The following KIAA0408 variants were observed in gnomAD, a reference collection of about 807,000 sequenced individuals.
KIAA0408 encodes KIAA0408, also known as uncharacterized protein KIAA0408.
KIAA0408 carries 51 observed loss-of-function variants against 60.9 expected under a neutral mutation model. That is an observed-to-expected ratio of 0.84 (90% CI 0.67 to 1.06). KIAA0408 has a LOEUF of 1.06. Among genes scored for constraint, KIAA0408 ranks in the 50% least tolerant of loss-of-function variants. The probability of loss-of-function intolerance (pLI) is 0.00; values close to 1 mark genes in which losing one functional copy is unlikely to be tolerated. For synonymous variants in KIAA0408, 304 were observed against 282.4 expected, an observed-to-expected ratio of 1.08 and a Z score of -0.77; for missense variants, 787 against 833.9, an observed-to-expected ratio of 0.94 and a Z score of 0.69.
chr6:127,454,959 G>A (rs1457795359), intron 1 of KIAA0408, among the ~76,000 whole-genome samples: 2 of 152,050 alleles, frequency 1.3e-5, no homozygotes, highest in African/African-American at 2.4e-5. Flanking sequence ...CTATGTAACT[G>A]GTATAAGTCT....
chr6:127,447,823 G>C, intron 4 of KIAA0408, 83 bp from the exon 5 acceptor site: 1 of 1,434,260 alleles, frequency 7.0e-7, no homozygotes, highest in Non-Finnish European at 9.2e-7. Flanking sequence ...AAAGCAATGA[G>C]TTTCTGCTAT....
intron 1 of KIAA0408, among the ~76,000 whole-genome samples, chr6:127,454,795 A>C (rs2114804927): frequency 6.6e-6 from 1 of 152,260 alleles, no homozygotes; most frequent in East Asian, 1.9e-4. Flanking sequence ...ATATACCATA[A>C]ACTGCTTAGG....
At position 127,446,686 on chromosome 6, in the gene KIAA0408, T is replaced by C; in HGVS notation, c.1633A>G (p.Ser545Gly). The change falls in exon 5 of 6, where the codon AGT becomes GGT. Residue 545 changes from serine (S) to glycine (G), a missense_variant. Ser to Gly is a moderately conservative substitution (Grantham distance 56). This residue lies in a region of KIAA0408 where 640 missense variants were observed against 681.3 expected (regional missense o/e 0.94). Coordinates refer to ENST00000483725, the MANE Select transcript of KIAA0408 (RefSeq NM_014702.5). ...GACCTCGGACGGCCAGACAAATTAC[T>C]CGGTCTCCAGTCATGCTCGTGGAGC... Reference protein sequence around the residue: ...NMLHEHDWRPSNLSGRPRSAD... With the variant: ...NMLHEHDWRPGNLSGRPRSAD... 1 of 1,614,024 alleles carries C rather than the reference T, an allele frequency of 6.2e-7. No individual in the cohort carries two copies. Among genetic ancestry groups the C allele is most frequent in the Non-Finnish European group, 8.5e-7 (1 of 1,180,012 alleles).
At chr6:127,446,240 C>G (rs933926793) in intron 5 of KIAA0408, among the ~76,000 whole-genome samples, 168 bp downstream of exon 5, 1 of 152,260 alleles carries the variant, frequency 6.6e-6, no homozygotes, top group Middle Eastern at 3.4e-3. Context: ...AAAAACTACA[C>G]CTTCAAGGTT....
intron 1 of KIAA0408, 158 bp from the exon 2 acceptor site, chr6:127,454,259 A>G (rs1773352194): frequency 3.3e-6 from 2 of 614,530 alleles, no homozygotes; most frequent in Admixed American, 1.1e-4. Flanking sequence ...AAACTAACAC[A>G]GTCAATAAAG....
At chr6:127,457,329 C>T (rs1260958396) in intron 1 of KIAA0408, among the ~76,000 whole-genome samples, 1 of 152,118 alleles carries the variant, frequency 6.6e-6, no homozygotes, top group African/African-American at 2.4e-5. Flanking sequence ...AATTTAAGTG[C>T]TCTCTACTGG....
In KIAA0408 at chr6:127,450,030, G is replaced by A. The variant is rs767309262; in HGVS notation, c.458C>T (p.Ser153Phe). 2.5e-6 allele frequency: 4 copies of A among 1,613,992 alleles called. No homozygotes were observed. Among genetic ancestry groups the A allele is most frequent in the Non-Finnish European group, 3.4e-6 (4 of 1,179,960 alleles). ...ECEAWPDLRT[S>F]EEDSKSCSGA... ...AGAACAGCTCTTGCTGTCTTCCTCAGAAGTCCTCAGGTCAGGCCAGGCCTC... is the reference window on the plus strand; with the variant it reads ...AGAACAGCTCTTGCTGTCTTCCTCAAAAGTCCTCAGGTCAGGCCAGGCCTC... The change falls in exon 3 of 6, where the codon TCT (serine) becomes TTT (phenylalanine). Residue 153 changes from serine to phenylalanine, a missense_variant. By Grantham distance (155) the Ser-to-Phe change is radical. Coordinates refer to ENST00000483725, the MANE Select transcript of KIAA0408 (RefSeq NM_014702.5).
Position 127,446,632 on chromosome 6 carries a change from C to T in KIAA0408, c.1687G>A (p.Val563Met). 6.2e-7 allele frequency: 1 copy of T among 1,614,132 alleles called. No homozygotes were observed. Among genetic ancestry groups the T allele is most frequent in the Non-Finnish European group, 8.5e-7 (1 of 1,180,018 alleles). ...SADPRSNYGV[V>M]EKLLKTYETA... ...TCATAGGTTTTCAGCAGCTTTTCCA[C>T]AACACCATAATTTGACCTGGGATCA... The change falls in exon 5 of 6, where the codon GTG becomes ATG. Residue 563 changes from valine to methionine, a missense_variant. Val to Met is a conservative substitution (Grantham distance 21). Coordinates refer to ENST00000483725, the MANE Select transcript of KIAA0408 (RefSeq NM_014702.5).
Position 127,447,191 on chromosome 6 carries a change from C to A in KIAA0408, c.1128G>T (p.Ser376=). 4 of 1,611,974 alleles carry A rather than the reference C, an allele frequency of 2.5e-6. No individual in the cohort carries two copies. The highest frequency in any genetic ancestry group is 3.4e-6 in the Non-Finnish European group (4 of 1,179,224). Residue 376 remains serine (S), a synonymous_variant, in exon 5 of 6, where the codon TCG becomes TCT. Coordinates refer to ENST00000483725, the MANE Select transcript of KIAA0408 (RefSeq NM_014702.5). Reference sequence around the variant, plus strand: ...GGGTAGAGCAGGTTTTCTGAAACCACGAAGTAGAGGGGCTCCTTTTTGCAC... The same window carrying A: ...GGGTAGAGCAGGTTTTCTGAAACCAAGAAGTAGAGGGGCTCCTTTTTGCAC... ...GIGAKRSPST[S]WFQKTCSTPS...
intron 2 of KIAA0408, among the ~76,000 whole-genome samples, chr6:127,453,372 A>C (rs1773335295): frequency 6.6e-6 from 1 of 151,972 alleles, no homozygotes; most frequent in Non-Finnish European, 1.5e-5. Flanking sequence ...TTTCTGTTTG[A>C]TATATGATAC....
At position 127,444,327 on chromosome 6, in the gene KIAA0408, C is replaced by A. The variant is rs537564759; in HGVS notation, c.1912-45G>T. The A allele has an allele frequency of 2.0e-5, 30 of 1,470,140 alleles. No individual in the cohort carries two copies. The East Asian group carries it at 6.1e-4, about 30-fold the overall frequency. The allele number at this position is 1,470,140 out of a possible 1,614,324, so 91.1% of individuals were successfully genotyped here. ...ATTCCTCTCACTCTCTGGGTACCAACAATAGGCTTAATATATGATGGGTCT... is the reference window on the plus strand; with the variant it reads ...ATTCCTCTCACTCTCTGGGTACCAAAAATAGGCTTAATATATGATGGGTCT... On this transcript the variant is annotated intron_variant, in intron 5 of 5. Coordinates refer to ENST00000483725, the MANE Select transcript of KIAA0408 (RefSeq NM_014702.5).
At position 127,449,452 on chromosome 6, in the gene KIAA0408, C is replaced by A. The variant is rs550853735; in HGVS notation, c.578+370G>T. ...ATTATTTGAGGTCAGGAGTTCGAGA[C>A]CATGCTGGCCAACATGGTGAAATCC... On this transcript the variant is annotated intron_variant, in intron 4 of 5. Transcript: ENST00000483725. Among the ~76,000 whole-genome samples the A allele has an allele frequency of 2.1e-3, 321 of 152,136 alleles. 2 individuals carry two copies. Among genetic ancestry groups the A allele is most frequent in the African/African-American group, 7.0e-3 (289 of 41,486 alleles).
rs910322506 is a variant in KIAA0408, at chr6:127,442,923, A to G, written c.*1186T>C. ...TAGATTTTATGTGTTCACTGTATGC[A>G]AACTGTAGCCAAAATACACATTTCT... On this transcript the variant is annotated 3_prime_UTR_variant, in exon 6 of 6. Coordinates refer to ENST00000483725, the MANE Select transcript of KIAA0408 (RefSeq NM_014702.5). 6.6e-6 allele frequency: 1 copy of G among 152,186 alleles called. No homozygotes were observed. Among genetic ancestry groups the G allele is most frequent in the African/African-American group, 2.4e-5 (1 of 41,460 alleles). The allele number at this position is 152,186 out of a possible 1,614,324, so 9.4% of individuals were successfully genotyped here.
At chr6:127,455,118 A>G (rs1326676302) in intron 1 of KIAA0408, among the ~76,000 whole-genome samples, 1 of 152,196 alleles carries the variant, frequency 6.6e-6, no homozygotes, top group Non-Finnish European at 1.5e-5. Context: ...TGTGACTTCA[A>G]TTAAAAATAA....
At chr6:127,452,026 A>C (rs1355129986) in intron 2 of KIAA0408, among the ~76,000 whole-genome samples, 1 of 152,194 alleles carries the variant, frequency 6.6e-6, no homozygotes, top group East Asian at 1.9e-4. Flanking sequence ...TTCAAATTTC[A>C]AATGATCCAA....
At position 127,441,409 on chromosome 6, in the gene KIAA0408, AAC is replaced by A. The variant is rs139335520; in HGVS notation, c.*2698_*2699del. Reference sequence around the variant, plus strand: ...GGAGAACTTATGTGACACTGACACAAACACACACACACACACACACACACAAA... The same window carrying A: ...GGAGAACTTATGTGACACTGACACAAACACACACACACACACACACACAAA... On this transcript the variant is annotated 3_prime_UTR_variant, in exon 6 of 6. Transcript: ENST00000483725. 3.1e-3 allele frequency: 461 copies of A among 147,124 alleles called. 2 individuals carry two copies. Among genetic ancestry groups the A allele is most frequent in the African/African-American group, 5.2e-3 (210 of 40,414 alleles). The allele number at this position is 147,124 out of a possible 1,614,324, so 9.1% of individuals were successfully genotyped here. A position where few individuals can be genotyped will look rare whatever the true frequency, so the allele number is the denominator to read the frequency against.
chr6:127,449,912 A>G lies in KIAA0408; in HGVS notation c.499-11T>C, dbSNP rs565083807. On this transcript the variant is annotated splice_polypyrimidine_tract_variant and intron_variant, in intron 3 of 5. Transcript: ENST00000483725. ...AAGTTCTTCAAGAGCCTTTACACAT[A>G]TAAGCAACAGCCCGTTAGCACTTTG... 1.9e-6 allele frequency: 3 copies of G among 1,613,998 alleles called. No individual in the cohort carries two copies. Among genetic ancestry groups the G allele is most frequent in the East Asian group, 4.5e-5 (2 of 44,876 alleles).
rs936457415 is a variant in KIAA0408 at position 127,444,043 on chromosome 6, A to C, written c.*66T>G. ...GAAGAGAACAGGTCCGCCTGTAAACACTCAGAATGCTCTGTTTGACAAGTG... is the reference window on the plus strand; with the variant it reads ...GAAGAGAACAGGTCCGCCTGTAAACCCTCAGAATGCTCTGTTTGACAAGTG... On this transcript the variant is annotated 3_prime_UTR_variant, in exon 6 of 6. Transcript: ENST00000483725. 3.3e-6 allele frequency: 5 copies of C among 1,493,440 alleles called. No individual in the cohort carries two copies. Among genetic ancestry groups the C allele is most frequent in the Non-Finnish European group, 2.8e-6 (3 of 1,076,668 alleles). The allele number at this position is 1,493,440 out of a possible 1,614,324, so 92.5% of individuals were successfully genotyped here.
chr6:127,456,200 G>A (rs1773389372), intron 1 of KIAA0408, among the ~76,000 whole-genome samples: 1 of 152,142 alleles, frequency 6.6e-6, no homozygotes, highest in South Asian at 2.1e-4. Flanking sequence ...AAAGGATGCA[G>A]ACTAATTTCA....
Sources: allele counts gnomAD v4.1 joint callset (sites outside exome capture counted in the v4.1 genomes callset), GRCh38; gene constraint gnomAD v4.1.1; regional missense constraint gnomAD v4.1.1; transcripts MANE v1.5; gene names NCBI Gene and HGNC (gene_info 2026-07-23, HGNC 2026-07-21).